Variants in CDH9 observed in about 807,000 individuals in gnomAD.
CDH9 encodes the protein cadherin 9.
A neutral mutation model predicts 70.9 loss-of-function variants in CDH9; 28 were observed. The observed-to-expected ratio is 0.40, with a 90% CI of 0.29 to 0.54. The LOEUF is 0.54. Among genes scored for constraint, CDH9 ranks in the 20% least tolerant of loss-of-function variants. The pLI is 0.59. For synonymous variants in CDH9, 409 were observed against 343.1 expected, an observed-to-expected ratio of 1.19 and a Z score of -2.12; for missense variants, 874 against 984.4, an observed-to-expected ratio of 0.89 and a Z score of 1.50.
chr5:26,885,031 GA>G (rs1217981768), intron 11 of CDH9, among the ~76,000 whole-genome samples: 1 of 152,106 alleles, frequency 6.6e-6, no homozygotes, highest in Admixed American at 6.6e-5. Flanking sequence ...TTATATAGGG[GA>G]AAATGTCTAA....
At chr5:26,950,783 G>A (rs536875668) in intron 2 of CDH9, among the ~76,000 whole-genome samples, 1 of 152,220 alleles carries the variant, frequency 6.6e-6, no homozygotes, top group African/African-American at 2.4e-5. Context: ...AACAAATTTT[G>A]TGAAGAAAAA....
rs910161942 is a variant in CDH9 at position 26,949,264 on chromosome 5, A to C, written c.229-33340T>G. On this transcript the variant is annotated intron_variant, in intron 2 of 11. Coordinates refer to ENST00000231021, the MANE Select transcript of CDH9 (RefSeq NM_016279.4). ...GATGTCAAATTTCTCATCAGCTTGG[A>C]GTGGAGGTGAGAAGGGGCACTGATA... Among the ~76,000 whole-genome samples, 4 of 152,078 alleles carry C rather than the reference A, an allele frequency of 2.6e-5. No homozygotes were observed. The South Asian group carries it at 8.3e-4, about 31-fold the overall frequency.
intron 1 of CDH9, among the ~76,000 whole-genome samples, chr5:27,007,738 T>C (rs2112112112): frequency 6.6e-6 from 1 of 152,158 alleles, no homozygotes; most frequent in South Asian, 2.1e-4. Flanking sequence ...AAGCAGCAGG[T>C]CTAATCATTG....
At chr5:26,889,462 G>A (rs922185169) in intron 9 of CDH9, among the ~76,000 whole-genome samples, 14 of 151,930 alleles carry the variant, frequency 9.2e-5, no homozygotes, top group African/African-American at 3.4e-4. Context: ...ATAATAACAT[G>A]AAACAATTTC....
intron 2 of CDH9, among the ~76,000 whole-genome samples, chr5:26,954,019 C>T (rs539395178): frequency 6.6e-6 from 1 of 152,124 alleles, no homozygotes; most frequent in East Asian, 1.9e-4. Context: ...CCATGGATTC[C>T]AAAAACTTAC....
At chr5:27,033,481 TAGAC>T (rs923290395) in intron 1 of CDH9, among the ~76,000 whole-genome samples, 58 of 148,920 alleles carry the variant, frequency 3.9e-4, no homozygotes, top group African/African-American at 1.1e-3. Context: ...GACAGACAGA[TAGAC>T]AGACAGACAG....
intron 1 of CDH9, among the ~76,000 whole-genome samples, chr5:27,011,264 C>A (rs1742950494): frequency 6.6e-6 from 1 of 152,052 alleles, no homozygotes; most frequent in Admixed American, 6.6e-5. Flanking sequence ...ACCCCTGGAA[C>A]CTAGGAATCT....
chr5:26,965,877 T>C (rs1194680629), intron 2 of CDH9, among the ~76,000 whole-genome samples: 1 of 152,114 alleles, frequency 6.6e-6, no homozygotes, highest in East Asian at 1.9e-4. Context: ...AATTAGTCTA[T>C]GAAAATATAG....
intron 11 of CDH9, 74 bp downstream of exon 11, chr5:26,885,540 T>G: frequency 8.5e-7 from 1 of 1,174,816 alleles, no homozygotes; most frequent in South Asian, 1.3e-5. Context: ...AAATTGTTAT[T>G]CAGTGCACCA....
In CDH9 at chr5:27,020,252, G is replaced by A. The variant is rs1041720166; in HGVS notation, c.-50+18211C>T. Among the ~76,000 whole-genome samples the A allele has an allele frequency of 2.6e-5, 4 of 151,482 alleles. No homozygotes were observed. In the East Asian group the frequency reaches 7.8e-4, roughly 29 times the overall value. ...TTTAAAATGGTTGTTTGTTTCCAAA[G>A]TAAGGGTTAAGCAAATACACTTAAA... On this transcript the variant is annotated intron_variant, in intron 1 of 11. Coordinates refer to ENST00000231021, the MANE Select transcript of CDH9 (RefSeq NM_016279.4).
intron 2 of CDH9, among the ~76,000 whole-genome samples, chr5:26,981,106 T>A (rs1263793387): frequency 6.6e-6 from 1 of 152,134 alleles, no homozygotes; most frequent in Non-Finnish European, 1.5e-5. Context: ...CATTGGCTAA[T>A]ATGTACCCAG....
intron 1 of CDH9, among the ~76,000 whole-genome samples, chr5:27,006,327 G>C (rs898621072): frequency 2.0e-5 from 3 of 152,020 alleles, no homozygotes; most frequent in Admixed American, 6.6e-5. Context: ...TTTCCTCAGT[G>C]CTACAAAAGG....
At chr5:26,972,755 G>C (rs1742241495) in intron 2 of CDH9, among the ~76,000 whole-genome samples, 1 of 152,124 alleles carries the variant, frequency 6.6e-6, no homozygotes, top group South Asian at 2.1e-4. Context: ...AAAGTCCTCT[G>C]CTCCTGCACT....
intron 2 of CDH9, among the ~76,000 whole-genome samples, chr5:26,987,842 T>C (rs1742513387): frequency 6.6e-6 from 1 of 152,088 alleles, no homozygotes; most frequent in African/African-American, 2.4e-5. Context: ...ACACATATGA[T>C]TAAATAATAT....
intron 1 of CDH9, among the ~76,000 whole-genome samples, chr5:27,036,308 C>T (rs1579526856): frequency 6.6e-6 from 1 of 151,948 alleles, no homozygotes; most frequent in East Asian, 2.0e-4. Context: ...AGAACAAATC[C>T]CTCCATGTAA....
chr5:27,000,749 T>C (rs968956447), intron 1 of CDH9, among the ~76,000 whole-genome samples: 3 of 152,130 alleles, frequency 2.0e-5, no homozygotes, highest in Admixed American at 6.6e-5. Flanking sequence ...CAGATTGTGA[T>C]AGATTCCTAT....
intron 1 of CDH9, among the ~76,000 whole-genome samples, chr5:27,016,731 A>G (rs1743052631): frequency 6.6e-6 from 1 of 151,814 alleles, no homozygotes; most frequent in East Asian, 1.9e-4. Flanking sequence ...AAGAGTCAAA[A>G]CTTGGGTTAT....
chr5:26,945,157 A>G (rs1029411836), intron 2 of CDH9, among the ~76,000 whole-genome samples: 1 of 151,042 alleles, frequency 6.6e-6, no homozygotes, highest in African/African-American at 2.4e-5. Flanking sequence ...TTCTACTCCA[A>G]TTGTCCTCTT....
At chr5:26,897,038 A>AAC (rs1740764719) in intron 7 of CDH9, among the ~76,000 whole-genome samples, 1 of 151,880 alleles carries the variant, frequency 6.6e-6, no homozygotes, top group African/African-American at 2.4e-5. Flanking sequence ...ATACTATAAA[A>AAC]ACCTCTATGC....
Sources: allele counts gnomAD v4.1 joint callset (sites outside exome capture counted in the v4.1 genomes callset), GRCh38; gene constraint gnomAD v4.1.1; transcripts MANE v1.5; gene names NCBI Gene and HGNC (gene_info 2026-07-23, HGNC 2026-07-21).